Variants in SAMD4A observed in about 807,000 individuals in gnomAD.
SAMD4A encodes protein Smaug homolog 1.
Under a neutral mutation model 81.3 loss-of-function variants are expected in SAMD4A, and 33 were observed. The ratio of observed to expected loss-of-function variants is 0.41; its 90% CI spans 0.31 to 0.54. The LOEUF (loss-of-function observed/expected upper bound fraction) is 0.54, where lower values mean the gene tolerates loss of function less well. SAMD4A is among the 20% of genes least tolerant of loss of function. The probability of loss-of-function intolerance (pLI) is 0.37; values close to 1 mark genes in which losing one functional copy is unlikely to be tolerated. For synonymous variants in SAMD4A, 389 were observed against 382.1 expected, an observed-to-expected ratio of 1.02 and a Z score of -0.21; for missense variants, 854 against 951.1, an observed-to-expected ratio of 0.90 and a Z score of 1.34.
chr14:54,789,002 T>G lies in SAMD4A; in HGVS notation c.*58T>G. The G allele has an allele frequency of 6.4e-7, 1 of 1,574,764 alleles. No individual in the cohort carries two copies. Among genetic ancestry groups the G allele is most frequent in the East Asian group, 2.2e-5 (1 of 44,668 alleles). On this transcript the variant is annotated 3_prime_UTR_variant, in exon 13 of 13. Coordinates refer to ENST00000554335, the MANE Select transcript of SAMD4A (RefSeq NM_015589.6). Reference sequence around the variant, plus strand: ...GAAATCGACTGCTGCGGGTCCAGTGTCCGCCATCTTCAGGGTTGCACAGAA... The same window carrying G: ...GAAATCGACTGCTGCGGGTCCAGTGGCCGCCATCTTCAGGGTTGCACAGAA...
intron 5 of SAMD4A, among the ~76,000 whole-genome samples, chr14:54,749,590 A>G (rs2038050545): frequency 6.6e-6 from 1 of 152,220 alleles, no homozygotes; most frequent in Non-Finnish European, 1.5e-5. Flanking sequence ...TGCCATAAAA[A>G]TACAAAGGTT....
Position 54,655,646 on chromosome 14 carries a change from G to C in SAMD4A, c.197-46416G>C, listed in dbSNP as rs568301058. ...TCAGCTACTCGGGAGGCTGAGGCAG[G>C]AGAATCCCTTGAATCTGGGAGGTGG... On this transcript the variant is annotated intron_variant, in intron 2 of 12. Coordinates refer to ENST00000554335, the MANE Select transcript of SAMD4A (RefSeq NM_015589.6). Among the ~76,000 whole-genome samples, 246 of 152,284 alleles carry C rather than the reference G, an allele frequency of 1.6e-3. 2 individuals are homozygous for C. The Middle Eastern group carries it at 0.024, about 15-fold the overall frequency.
chr14:54,717,960 C>G (rs1440106174), intron 3 of SAMD4A, among the ~76,000 whole-genome samples: 1 of 138,074 alleles, frequency 7.2e-6, no homozygotes, highest in Admixed American at 7.5e-5. Context: ...ACAGTTCTTT[C>G]CCAATTTTCT....
At chr14:54,731,110 T>C (rs900937406) in intron 3 of SAMD4A, among the ~76,000 whole-genome samples, 1 of 152,222 alleles carries the variant, frequency 6.6e-6, no homozygotes, top group Non-Finnish European at 1.5e-5. Flanking sequence ...GGAATATCCC[T>C]GAGAAGCAGG....
upstream of SAMD4A, among the ~76,000 whole-genome samples, chr14:54,566,582 C>G (rs1354763804): frequency 1.3e-5 from 2 of 151,744 alleles, no homozygotes; most frequent in African/African-American, 4.8e-5. Flanking sequence ...CCGCATTCCC[C>G]GCGGGGCCGC....
rs568253860 is a variant in SAMD4A at position 54,757,998 on chromosome 14, G to A, written c.1177-2163G>A. Among the ~76,000 whole-genome samples the A allele has an allele frequency of 8.6e-4, 131 of 152,302 alleles. 1 individual carries two copies. In the South Asian group the frequency reaches 0.025, roughly 29 times the overall value. ...GGTGTCTAGATGCTGGGAAAGGGCCGGGTCTACCGTGGGCAGCAGGGAAGG... is the reference window on the plus strand; with the variant it reads ...GGTGTCTAGATGCTGGGAAAGGGCCAGGTCTACCGTGGGCAGCAGGGAAGG... On this transcript the variant is annotated intron_variant, in intron 6 of 12. Coordinates refer to ENST00000554335, the MANE Select transcript of SAMD4A (RefSeq NM_015589.6).
intron 3 of SAMD4A, among the ~76,000 whole-genome samples, chr14:54,725,097 G>T (rs547780959): frequency 6.6e-6 from 1 of 152,306 alleles, no homozygotes; most frequent in South Asian, 2.1e-4. Flanking sequence ...GAATTCATCT[G>T]CTCCAACCTC....
chr14:54,652,278 T>G (rs1465398839), intron 2 of SAMD4A, among the ~76,000 whole-genome samples: 3 of 152,232 alleles, frequency 2.0e-5, no homozygotes, highest in African/African-American at 7.2e-5. Flanking sequence ...AGCCTTTCCA[T>G]TCCTTTGCTT....
chr14:54,702,417 T>C lies in SAMD4A; in HGVS notation c.552T>C (p.Asp184=). ...THYYHQRQNS[D]DKLNGWQNSR... ...ACTATCACCAAAGACAGAACTCTGA[T>C]GACAAGCTCAATGGGTGGCAGAACT... Residue 184 remains aspartate, a synonymous_variant, in exon 3 of 13, where the codon GAT becomes GAC. Coordinates refer to ENST00000554335, the MANE Select transcript of SAMD4A (RefSeq NM_015589.6). 5.0e-6 allele frequency: 8 copies of C among 1,614,198 alleles called. No homozygotes were observed. Among genetic ancestry groups the C allele is most frequent in the Non-Finnish European group, 6.8e-6 (8 of 1,180,008 alleles).
intron 11 of SAMD4A, 160 bp from the exon 12 acceptor site, chr14:54,784,359 ACTGTGTTTAACAGACCTT>A: frequency 6.4e-7 from 1 of 1,558,236 alleles, no homozygotes. Flanking sequence ...TTCACAGTGG[ACTGTGTTTAACAGACCTT>A]AGAGGTTGGT....
intron 2 of SAMD4A, among the ~76,000 whole-genome samples, chr14:54,671,809 C>T (rs886070410): frequency 6.6e-6 from 1 of 152,144 alleles, no homozygotes; most frequent in South Asian, 2.1e-4. Context: ...TATCAGGGCT[C>T]AACGCATAGG....
At position 54,793,184 on chromosome 14, in the gene SAMD4A, T is replaced by C. The variant is rs973479301; in HGVS notation, c.*4240T>C. Reference sequence around the variant, plus strand: ...AAATGTTGTTACCAGTGAAACACCCTTGTGGTTTAAACTTGCTACAATGTA... The same window carrying C: ...AAATGTTGTTACCAGTGAAACACCCCTGTGGTTTAAACTTGCTACAATGTA... On this transcript the variant is annotated 3_prime_UTR_variant, in exon 13 of 13. Coordinates refer to ENST00000554335, the MANE Select transcript of SAMD4A (RefSeq NM_015589.6). 6.6e-6 allele frequency: 1 copy of C among 152,252 alleles called. No homozygotes were observed. The highest frequency in any genetic ancestry group is 2.4e-5 in the African/African-American group (1 of 41,470). 9.4% of individuals were successfully genotyped at this position (152,252 alleles called of 1,614,324 possible). A position where few individuals can be genotyped will look rare whatever the true frequency, so the allele number is the denominator to read the frequency against.
At chr14:54,732,225 T>A (rs937571175) in intron 3 of SAMD4A, among the ~76,000 whole-genome samples, 7 of 152,318 alleles carry the variant, frequency 4.6e-5, no homozygotes, top group East Asian at 3.9e-4. Context: ...CTGATTTTTT[T>A]AAAAAAGACG....
At chr14:54,601,769 G>A (rs187946415) in intron 2 of SAMD4A, among the ~76,000 whole-genome samples, 1 of 152,274 alleles carries the variant, frequency 6.6e-6, no homozygotes, top group East Asian at 1.9e-4. Context: ...GTAAAGAATT[G>A]CTGTTTTAGG....
rs141260359 is a variant in SAMD4A, at chr14:54,647,562, A to G, written c.197-54500A>G. Among the ~76,000 whole-genome samples, 496 of 152,354 alleles carry G rather than the reference A, an allele frequency of 3.3e-3. 2 individuals carry two copies. The highest frequency in any genetic ancestry group is 0.011 in the African/African-American group (475 of 41,570). ...AATAGTCAACATGTTAAGTACATTG[A>G]CTATATGCTCATGCATAACAGCTGA... On this transcript the variant is annotated intron_variant, in intron 2 of 12. Transcript: ENST00000554335.
intron 2 of SAMD4A, among the ~76,000 whole-genome samples, chr14:54,634,150 G>A (rs948875784): frequency 1.5e-4 from 23 of 151,992 alleles, no homozygotes; most frequent in African/African-American, 4.8e-4. Flanking sequence ...GCCAGGGATG[G>A]TGGTGTATGC....
chr14:54,657,523 A>T (rs2035546979), intron 2 of SAMD4A, among the ~76,000 whole-genome samples: 1 of 152,198 alleles, frequency 6.6e-6, no homozygotes, highest in Non-Finnish European at 1.5e-5. Flanking sequence ...AGAAGAGAAG[A>T]GGTAGTAGGC....
rs1427083750 is a variant in SAMD4A at position 54,784,672 on chromosome 14, G to A, written c.2128+52G>A. ...CATGTCCCTGTTACCGTGTGCCTGGGAGAACTGGCCATCTGCTGTCTATAC... is the reference window on the plus strand; with the variant it reads ...CATGTCCCTGTTACCGTGTGCCTGGAAGAACTGGCCATCTGCTGTCTATAC... On this transcript the variant is annotated intron_variant, in intron 12 of 12. Coordinates refer to ENST00000554335, the MANE Select transcript of SAMD4A (RefSeq NM_015589.6). 8 of 1,506,470 alleles carry A rather than the reference G, an allele frequency of 5.3e-6. No homozygotes were observed. In the South Asian group the frequency reaches 5.6e-5, roughly 11 times the overall value. 93.3% of individuals were successfully genotyped at this position (1,506,470 alleles called of 1,614,324 possible).
chr14:54,758,104 G>A (rs2038294297), intron 6 of SAMD4A, among the ~76,000 whole-genome samples: 1 of 152,144 alleles, frequency 6.6e-6, no homozygotes, highest in Non-Finnish European at 1.5e-5. Flanking sequence ...ACTCTCCTAA[G>A]AGAAAAAGGG....
Sources: gnomAD v4.1 joint callset for allele counts (sites outside exome capture counted in the v4.1 genomes callset) on GRCh38, gnomAD v4.1.1 for gene constraint, MANE v1.5 for transcripts, NCBI Gene and HGNC (gene_info 2026-07-23, HGNC 2026-07-21) for gene names.